IMMP2L: variants seen among roughly 807,000 people sequenced by gnomAD.
IMMP2L encodes inner mitochondrial membrane peptidase subunit 2, also known as mitochondrial inner membrane protease subunit 2.
IMMP2L carries 18 observed loss-of-function variants against 19.3 expected under a neutral mutation model. That is an observed-to-expected ratio of 0.93 (90% confidence interval 0.64 to 1.38). The LOEUF is 1.38. Ranked by LOEUF, IMMP2L falls within the 40% of genes most tolerant of loss-of-function variation. The pLI is 0.00. For missense variants in IMMP2L, 233 were observed against 218.2 expected, an observed-to-expected ratio of 1.07 and a Z score of -0.43; for synonymous variants, 76 against 73.0, an observed-to-expected ratio of 1.04 and a Z score of -0.21.
intron 3 of IMMP2L, among the ~76,000 whole-genome samples, chr7:111,094,109 T>A (rs1797151788): frequency 6.6e-6 from 1 of 152,180 alleles, no homozygotes; most frequent in African/African-American, 2.4e-5. Context: ...GCTTTCGCCA[T>A]GTGATGGGTT....
chr7:111,425,905 C>A lies in IMMP2L; in HGVS notation c.239+61333G>T, dbSNP rs532495141. Among the ~76,000 whole-genome samples the A allele has an allele frequency of 9.3e-4, 140 of 151,328 alleles. 4 individuals carry two copies. The highest frequency in any genetic ancestry group is 4.8e-3 in the Admixed American group (73 of 15,156). ...AAACATATAATTTATTCATCTACTC[C>A]TTCATTTATTCCACAAATACATGTC... On this transcript the variant is annotated intron_variant, in intron 3 of 5. Transcript: ENST00000405709.
chr7:110,948,091 G>T (rs1585393316), intron 4 of IMMP2L, among the ~76,000 whole-genome samples: 1 of 152,128 alleles, frequency 6.6e-6, no homozygotes, highest in East Asian at 1.9e-4. Context: ...CCAGGAGGAT[G>T]ATCAATTTCA....
intron 3 of IMMP2L, among the ~76,000 whole-genome samples, chr7:111,060,748 T>C (rs1793943516): frequency 6.6e-6 from 1 of 152,230 alleles, no homozygotes; most frequent in Admixed American, 6.5e-5. Context: ...TAACAATTAT[T>C]ATTATGCATC....
chr7:110,756,566 G>A (rs898308479), intron 5 of IMMP2L, among the ~76,000 whole-genome samples: 1 of 152,050 alleles, frequency 6.6e-6, no homozygotes, highest in African/African-American at 2.4e-5. Flanking sequence ...AGTAGGCCAA[G>A]CACCGAACCC....
chr7:110,980,252 G>T (rs62464034), intron 3 of IMMP2L, among the ~76,000 whole-genome samples: 1 of 38,342 alleles, frequency 2.6e-5, no homozygotes, highest in East Asian at 3.0e-4. Flanking sequence ...TTTTTTTTAG[G>T]AGTCTCGCTC....
At chr7:111,499,190 C>T (rs1220430204) in intron 2 of IMMP2L, among the ~76,000 whole-genome samples, 4 of 152,076 alleles carry the variant, frequency 2.6e-5, no homozygotes, top group East Asian at 1.9e-4. Flanking sequence ...CCTCTGTTTG[C>T]GTATTTGCTG....
At chr7:110,713,746 T>A (rs1795052834) in intron 5 of IMMP2L, among the ~76,000 whole-genome samples, 1 of 152,032 alleles carries the variant, frequency 6.6e-6, no homozygotes, top group Non-Finnish European at 1.5e-5. Flanking sequence ...AGCTTGAATA[T>A]TACTGGTGCA....
chr7:110,899,776 A>C (rs2129547085), intron 4 of IMMP2L, among the ~76,000 whole-genome samples: 1 of 152,314 alleles, frequency 6.6e-6, no homozygotes, highest in Non-Finnish European at 1.5e-5. Context: ...GGAGTTATGG[A>C]TCAGAGCACC....
chr7:111,168,876 A>AG (rs1806125409), intron 3 of IMMP2L, among the ~76,000 whole-genome samples: 1 of 151,882 alleles, frequency 6.6e-6, no homozygotes, highest in African/African-American at 2.4e-5. Context: ...GAGTACCATA[A>AG]GAAAGTACTA....
In IMMP2L at chr7:110,737,119, G is replaced by A. The variant is rs549128627; in HGVS notation, c.409-73398C>T. ...AGAACAGCCTGTAGAGACTCACATCGTGAACTTTTGCTCCAGGAACTACAG... is the reference window on the plus strand; with the variant it reads ...AGAACAGCCTGTAGAGACTCACATCATGAACTTTTGCTCCAGGAACTACAG... On this transcript the variant is annotated intron_variant, in intron 5 of 5. Transcript: ENST00000405709. Among the ~76,000 whole-genome samples the A allele has an allele frequency of 9.2e-5, 14 of 152,242 alleles. No individual in the cohort carries two copies. In the East Asian group the frequency reaches 2.1e-3, roughly 23 times the overall value.
At chr7:111,104,534 T>G (rs1462098464) in intron 3 of IMMP2L, among the ~76,000 whole-genome samples, 1 of 151,824 alleles carries the variant, frequency 6.6e-6, no homozygotes, top group Non-Finnish European at 1.5e-5. Context: ...GGGGACATTA[T>G]ATGTGAAACT....
chr7:110,861,026 T>C lies in IMMP2L; in HGVS notation c.408+25567A>G, dbSNP rs115769592. ...AAAAATTCCTCAAAGGTATTTGTTT[T>C]ATCTCAAAGCCAAGAGGTAAAAGAA... On this transcript the variant is annotated intron_variant, in intron 5 of 5. Coordinates refer to ENST00000405709, the MANE Select transcript of IMMP2L (RefSeq NM_032549.4). 5.0e-3 allele frequency among the ~76,000 whole-genome samples: 757 copies of C among 151,692 alleles called. 10 individuals are homozygous for C. The highest frequency in any genetic ancestry group is 0.018 in the African/African-American group (729 of 41,338).
chr7:110,817,422 T>C (rs1802626115), intron 5 of IMMP2L, among the ~76,000 whole-genome samples: 2 of 152,146 alleles, frequency 1.3e-5, no homozygotes, highest in Non-Finnish European at 2.9e-5. Flanking sequence ...GAAGGACCTC[T>C]TCAAGGAGAA....
intron 3 of IMMP2L, among the ~76,000 whole-genome samples, chr7:111,067,130 T>A (rs1794581387): frequency 6.6e-6 from 1 of 152,222 alleles, no homozygotes; most frequent in South Asian, 2.1e-4. Context: ...TGATTTTAGT[T>A]TGTATCCTTT....
At chr7:110,763,806 T>C (rs1266033984) in intron 5 of IMMP2L, among the ~76,000 whole-genome samples, 1 of 152,090 alleles carries the variant, frequency 6.6e-6, no homozygotes, top group Non-Finnish European at 1.5e-5. Context: ...ACTGCGAATA[T>C]TTTATATATG....
chr7:110,824,434 G>T (rs1282861627), intron 5 of IMMP2L, among the ~76,000 whole-genome samples: 1 of 152,038 alleles, frequency 6.6e-6, no homozygotes, highest in Non-Finnish European at 1.5e-5. Context: ...TATTTTTAAT[G>T]TTTGCAAAAT....
At chr7:110,873,829 T>C (rs574887860) in intron 5 of IMMP2L, among the ~76,000 whole-genome samples, 5 of 151,840 alleles carry the variant, frequency 3.3e-5, no homozygotes, top group African/African-American at 1.2e-4. Flanking sequence ...TATTCATCTC[T>C]CTGTCTCTCT....
intron 3 of IMMP2L, among the ~76,000 whole-genome samples, chr7:111,211,305 CG>C: frequency 6.6e-6 from 1 of 151,820 alleles, no homozygotes; most frequent in African/African-American, 2.4e-5. Context: ...TGACTCTATG[CG>C]GAACTACAAA....
chr7:111,353,198 GCTTT>G (rs1471408124), intron 3 of IMMP2L, among the ~76,000 whole-genome samples: 1 of 152,152 alleles, frequency 6.6e-6, no homozygotes, highest in Non-Finnish European at 1.5e-5. Flanking sequence ...CCATCCCCTG[GCTTT>G]CACCTGGAGA....
Sources: allele counts gnomAD v4.1 joint callset (sites outside exome capture counted in the v4.1 genomes callset), GRCh38; gene constraint gnomAD v4.1.1; transcripts MANE v1.5; gene names NCBI Gene and HGNC (gene_info 2026-07-23, HGNC 2026-07-21).